The following ZFHX3 variants were observed in gnomAD, a reference collection of about 807,000 sequenced individuals.
ZFHX3 encodes zinc finger homeobox 3, also known as zinc finger homeobox protein 3.
A neutral mutation model predicts 279.1 loss-of-function variants in ZFHX3; 42 were observed. The ratio of observed to expected loss-of-function variants is 0.15; its 90% CI spans 0.12 to 0.19. The LOEUF (loss-of-function observed/expected upper bound fraction) is 0.19. Ranked by LOEUF, ZFHX3 falls within the 10% of genes least tolerant of loss-of-function variation. ZFHX3 has a pLI of 1.00. For synonymous variants in ZFHX3, 2,293 were observed against 1,957.8 expected (o/e 1.17, Z -4.52); for missense variants, 4,981 against 4,754.0 (o/e 1.05, Z -1.40).
In ZFHX3 at chr16:72,880,141, G is replaced by C. The variant is rs563923402; in HGVS notation, c.3448+9590C>G. On this transcript the variant is annotated intron_variant, in intron 4 of 9. Transcript: ENST00000268489. ...CTGGTGGGCGCTGACAGTTCTGTCC[G>C]AGGCGACTTCCAGGATCTCCATGAC... Among the ~76,000 whole-genome samples, 10 of 152,256 alleles carry C rather than the reference G, an allele frequency of 6.6e-5. No homozygotes were observed. The South Asian group carries it at 1.7e-3, about 25-fold the overall frequency.
intron 1 of ZFHX3, among the ~76,000 whole-genome samples, chr16:73,710,086 G>C (rs1244236613): frequency 6.6e-6 from 1 of 152,176 alleles, no homozygotes; most frequent in East Asian, 1.9e-4. Context: ...GGGAGGCTGA[G>C]GCAGGAGAAT....
At chr16:73,728,847 A>G (rs2053544642) in intron 1 of ZFHX3, among the ~76,000 whole-genome samples, 1 of 144,800 alleles carries the variant, frequency 6.9e-6, no homozygotes, top group South Asian at 2.3e-4. Context: ...ACACACACAC[A>G]AGTGTAACTG....
At chr16:73,275,092 T>G (rs924984526) in intron 4 of ZFHX3, among the ~76,000 whole-genome samples, 1 of 152,240 alleles carries the variant, frequency 6.6e-6, no homozygotes, top group African/African-American at 2.4e-5. Context: ...TCTATATCAC[T>G]GTGCAGTAGC....
chr16:73,372,048 G>GT (rs1390835654), intron 3 of ZFHX3, among the ~76,000 whole-genome samples: 1 of 152,068 alleles, frequency 6.6e-6, no homozygotes, highest in Non-Finnish European at 1.5e-5. Context: ...AAGTCAAAGG[G>GT]CTTTTCAGAG....
intron 1 of ZFHX3, among the ~76,000 whole-genome samples, chr16:72,995,331 G>A (rs544782952): frequency 2.4e-4 from 37 of 152,268 alleles, no homozygotes; most frequent in African/African-American, 5.3e-4. Flanking sequence ...CCTGGAGGAC[G>A]GAACGGGAAC....
intron 1 of ZFHX3, among the ~76,000 whole-genome samples, chr16:73,724,213 A>C (rs2053499255): frequency 6.6e-6 from 1 of 152,198 alleles, no homozygotes; most frequent in Admixed American, 6.5e-5. Context: ...CACATAACCA[A>C]ATAAAAGGCT....
At chr16:72,946,573 C>T (rs1960687846) in intron 3 of ZFHX3, among the ~76,000 whole-genome samples, 2 of 152,182 alleles carry the variant, frequency 1.3e-5, no homozygotes, top group Non-Finnish European at 2.9e-5. Flanking sequence ...TTCTGTGCCC[C>T]GCCCCCTCCG....
intron 3 of ZFHX3, among the ~76,000 whole-genome samples, chr16:73,341,255 T>C (rs1483753873): frequency 1.3e-5 from 2 of 152,006 alleles, no homozygotes; most frequent in Admixed American, 1.3e-4. Context: ...GCAGGAGAAT[T>C]GTTTGAGCCT....
chr16:73,873,799 T>C (rs907707498), intron 1 of ZFHX3, among the ~76,000 whole-genome samples: 3 of 152,118 alleles, frequency 2.0e-5, no homozygotes, highest in Non-Finnish European at 4.4e-5. Context: ...GACTAAATAA[T>C]CTGATAAGAG....
At chr16:73,130,978 C>G (rs1175608667) in exon 7 of ZFHX3, 3 of 1,305,206 alleles carry the variant, frequency 2.3e-6, no homozygotes, top group Non-Finnish European at 3.0e-6. Context: ...CTCTATGCAA[C>G]TGCCGCTTTG....
intron 2 of ZFHX3, among the ~76,000 whole-genome samples, chr16:73,643,280 A>T (rs2052589920): frequency 6.6e-6 from 1 of 152,212 alleles, no homozygotes; most frequent in South Asian, 2.1e-4. Context: ...TAAAATTGCA[A>T]ATGAGATCAG....
chr16:73,377,685 T>C (rs113409316), intron 3 of ZFHX3, among the ~76,000 whole-genome samples: 1 of 109,240 alleles, frequency 9.2e-6, no homozygotes, highest in African/African-American at 3.4e-5. Flanking sequence ...GTGACTCCTT[T>C]GTGTTTTTTT....
rs1361387136 is a variant in ZFHX3 at position 72,788,580 on chromosome 16, G to T, written c.9696C>A (p.Arg3232=). ...TTACTTTCTCACTGTCTTTGTCCTTGCGTTGCTGCTGCTGTTGCAGTGGGA... is the reference window on the plus strand; with the variant it reads ...TTACTTTCTCACTGTCTTTGTCCTTTCGTTGCTGCTGCTGTTGCAGTGGGA... ...PQLPLQQQQQ[R]KDKDSEKVKE... Residue 3232 remains arginine, a synonymous_variant, in exon 10 of 10, where the codon CGC becomes CGA. Coordinates refer to ENST00000268489, the MANE Select transcript of ZFHX3 (RefSeq NM_006885.4). 5 of 1,613,876 alleles carry T rather than the reference G, an allele frequency of 3.1e-6. No individual in the cohort carries two copies. In the African/African-American group the frequency reaches 5.3e-5, roughly 17 times the overall value.
At chr16:73,339,948 A>G (rs2015999233) in intron 3 of ZFHX3, among the ~76,000 whole-genome samples, 1 of 152,206 alleles carries the variant, frequency 6.6e-6, no homozygotes, top group Non-Finnish European at 1.5e-5. Context: ...TTACTTGTAA[A>G]GTTGGCAGTC....
In ZFHX3 at chr16:72,794,321, A is replaced by C. The variant is rs770351821; in HGVS notation, c.8361T>G (p.Pro2787=). The part of the protein sequence containing the change: ...SSDGQGVPLS[P]VSKTMELSPR... The stretch of plus-strand genomic sequence containing the variant: ...GTGACAATTCCATGGTTTTACTCAC[A>C]GGTGAGAGGGGGACACCCTGACCAT... The change falls in exon 9 of 10, where the codon CCT becomes CCG. Residue 2787 remains proline (P), a synonymous_variant. Coordinates refer to ENST00000268489, the MANE Select transcript of ZFHX3 (RefSeq NM_006885.4). This position sits in a 1 kb window ranked among gnomAD's most constrained non-coding sequence, Gnocchi z 4.2. The C allele has an allele frequency of 2.5e-6, 4 of 1,606,888 alleles. 1 individual carries two copies. The South Asian group carries it at 4.5e-5, about 18-fold the overall frequency.
At chr16:72,898,070 C>T (rs773126293) in intron 3 of ZFHX3, among the ~76,000 whole-genome samples, 5 of 152,098 alleles carry the variant, frequency 3.3e-5, no homozygotes, top group Non-Finnish European at 5.9e-5. Flanking sequence ...AGTCAGATCG[C>T]GTTATAGTTC....
chr16:73,415,724 G>A (rs1454960263), intron 3 of ZFHX3, among the ~76,000 whole-genome samples: 1 of 152,158 alleles, frequency 6.6e-6, no homozygotes, highest in Non-Finnish European at 1.5e-5. Flanking sequence ...TCACTGTTGG[G>A]CAGTTTGGTG....
At chr16:73,581,655 G>GTC (rs2051861503) in intron 2 of ZFHX3, among the ~76,000 whole-genome samples, 1 of 120,420 alleles carries the variant, frequency 8.3e-6, no homozygotes, top group Non-Finnish European at 1.7e-5. Context: ...AACTTCGAAT[G>GTC]TCTCTTTTTT....
chr16:73,050,879 C>T (rs1485070446), upstream of ZFHX3, among the ~76,000 whole-genome samples: 1 of 152,224 alleles, frequency 6.6e-6, no homozygotes, highest in Non-Finnish European at 1.5e-5. Context: ...AAAAATAAAT[C>T]AGGGAGCGCT....
Sources: allele counts gnomAD v4.1 joint callset (sites outside exome capture counted in the v4.1 genomes callset), GRCh38; gene constraint gnomAD v4.1.1; non-coding constraint Gnocchi (gnomAD v3.1); transcripts MANE v1.5; gene names NCBI Gene and HGNC (gene_info 2026-07-23, HGNC 2026-07-21).